DGKH: variants seen among roughly 807,000 people sequenced by gnomAD.
DGKH encodes the protein DAG kinase eta.
In DGKH, 90 loss-of-function variants were observed where a neutral mutation model predicts 159.3. That is an observed-to-expected ratio of 0.57 (90% CI 0.48 to 0.67). The LOEUF (loss-of-function observed/expected upper bound fraction) is 0.67. DGKH is among the 30% of genes least tolerant of loss of function. The pLI, the probability that DGKH is intolerant of heterozygous loss-of-function variation, is 0.00. For missense variants in DGKH, 1,181 were observed against 1,506.1 expected (o/e 0.78, Z 3.57); for synonymous variants, 536 against 553.8 (o/e 0.97, Z 0.45).
At position 42,086,801 on chromosome 13, in the gene DGKH, G is replaced by C. The variant is rs984061263; in HGVS notation, c.192+37836G>C. Among the ~76,000 whole-genome samples the C allele has an allele frequency of 6.6e-5, 10 of 152,280 alleles. No individual in the cohort carries two copies. In the East Asian group the frequency reaches 1.9e-3, roughly 29 times the overall value. ...TCTGATTGTCCCAACTTGCTGCCTA[G>C]AGAGTTTTCAGACCACAGTGCTGGA... On this transcript the variant is annotated intron_variant, in intron 1 of 29. Transcript: ENST00000337343.
At chr13:42,104,926 A>C (rs1954718831) in intron 1 of DGKH, among the ~76,000 whole-genome samples, 1 of 152,208 alleles carries the variant, frequency 6.6e-6, no homozygotes, top group African/African-American at 2.4e-5. Context: ...AATAGACATT[A>C]CAAAAAAAAG....
rs1158525743 is a variant in DGKH, at chr13:42,232,045, A to G, written c.*2857A>G. ...AGGAGGGGGTCTTCAGAGCCTCCTT[A>G]GGCTCTTGTCAGTATCATAAATAAT... On this transcript the variant is annotated 3_prime_UTR_variant, in exon 30 of 30. Coordinates refer to ENST00000337343, the MANE Select transcript of DGKH (RefSeq NM_178009.5). The G allele has an allele frequency of 6.6e-6, 1 of 152,230 alleles. No homozygotes were observed. Among genetic ancestry groups the G allele is most frequent in the African/African-American group, 2.4e-5 (1 of 41,458 alleles). 9.4% of individuals were successfully genotyped at this position (152,230 alleles called of 1,614,324 possible).
intron 3 of DGKH, among the ~76,000 whole-genome samples, chr13:42,151,561 AGTTTCACT>A (rs1955896203): frequency 1.1e-5 from 1 of 92,882 alleles, no homozygotes; most frequent in African/African-American, 4.4e-5. Flanking sequence ...GTATATATGT[AGTTTCACT>A]TATATGTATA....
Position 42,194,946 on chromosome 13 carries a change from T to C in DGKH, c.2097T>C (p.Ser699=), listed in dbSNP as rs1957167476. 6.2e-6 allele frequency: 10 copies of C among 1,614,116 alleles called. No homozygotes were observed. Among genetic ancestry groups the C allele is most frequent in the Non-Finnish European group, 8.5e-6 (10 of 1,179,968 alleles). Residue 699 remains serine, a synonymous_variant, in exon 17 of 30, where the codon TCT becomes TCC. Coordinates refer to ENST00000337343, the MANE Select transcript of DGKH (RefSeq NM_178009.5). ...RASYGHSQTD[S]VPGPAVAASK... Reference sequence around the variant, plus strand: ...GTTATGGCCATTCCCAAACTGATTCTGTCCCTGGTCCAGCTGTGGCAGCCA... The same window carrying C: ...GTTATGGCCATTCCCAAACTGATTCCGTCCCTGGTCCAGCTGTGGCAGCCA...
chr13:42,047,819 G>A (rs1880900828), upstream of DGKH, among the ~76,000 whole-genome samples: 2 of 152,152 alleles, frequency 1.3e-5, no homozygotes, highest in Non-Finnish European at 2.9e-5. Context: ...TTTCTTCCAG[G>A]CAATCTCGGT....
At chr13:42,134,137 C>G (rs1246501487) in intron 3 of DGKH, among the ~76,000 whole-genome samples, 2 of 152,178 alleles carry the variant, frequency 1.3e-5, no homozygotes, top group African/African-American at 4.8e-5. Flanking sequence ...TGCCTGAAAA[C>G]CCAGTGCTGA....
In DGKH at chr13:42,165,849, C is replaced by CA. The variant is rs1477172152; in HGVS notation, c.958+420dup. 1.8e-4 allele frequency among the ~76,000 whole-genome samples: 28 copies of CA among 152,142 alleles called. No homozygotes were observed. The East Asian group carries it at 5.2e-3, about 28-fold the overall frequency. ...TATATTCCTATAAATGCACTTTTCC[C>CA]AAAATCTTACAACTTAACTCTAAAG... On this transcript the variant is annotated intron_variant, in intron 8 of 29. Coordinates refer to ENST00000337343, the MANE Select transcript of DGKH (RefSeq NM_178009.5).
In DGKH at chr13:42,168,795, A is replaced by G. The variant is rs777626301; in HGVS notation, c.1344A>G (p.Arg448=). The change falls in exon 11 of 30, where the codon CGA becomes CGG. Residue 448 remains arginine (R), a synonymous_variant. Transcript: ENST00000337343. ...CTCAGATCCTAGAGAAACTGGAACG[A>G]GCCAGTACCAAAATGTTGGACAGGT... The part of the protein sequence containing the change: ...QLPQILEKLE[R]ASTKMLDRWS... The G allele has an allele frequency of 2.5e-5, 41 of 1,613,810 alleles. No homozygotes were observed. Among genetic ancestry groups the G allele is most frequent in the Middle Eastern group, 1.6e-4 (1 of 6,062 alleles).
chr13:42,226,805 C>T (rs1018415513), intron 29 of DGKH, among the ~76,000 whole-genome samples: 5 of 150,352 alleles, frequency 3.3e-5, no homozygotes, highest in Admixed American at 1.3e-4. Flanking sequence ...TGCAGTGAGC[C>T]GAGATCACGC....
At chr13:42,054,078 A>G (rs184075491) in intron 1 of DGKH, among the ~76,000 whole-genome samples, 14 of 152,376 alleles carry the variant, frequency 9.2e-5, no homozygotes, top group Admixed American at 8.5e-4. Context: ...TGCCTTACAA[A>G]GTACAATTTG....
Position 42,229,236 on chromosome 13 carries a change from A to G in DGKH, c.*48A>G, listed in dbSNP as rs569074737. 1.3e-6 allele frequency: 2 copies of G among 1,547,602 alleles called. No individual in the cohort carries two copies. The highest frequency in any genetic ancestry group is 1.8e-6 in the Non-Finnish European group (2 of 1,133,472). ...AAGAGAAGTTATTGCCACTTAATAC[A>G]AAGTCCTTGGAAGCAAGTGGCTGTT... On this transcript the variant is annotated 3_prime_UTR_variant, in exon 30 of 30. Coordinates refer to ENST00000337343, the MANE Select transcript of DGKH (RefSeq NM_178009.5).
At chr13:42,207,148 TCC>T in intron 21 of DGKH, among the ~76,000 whole-genome samples, 1 of 67,278 alleles carries the variant, frequency 1.5e-5, no homozygotes, top group African/African-American at 6.0e-5. Context: ...CTTCCTTCCT[TCC>T]TTCCTTCCTT....
chr13:42,099,518 A>G (rs1954613772), intron 1 of DGKH, among the ~76,000 whole-genome samples: 1 of 152,084 alleles, frequency 6.6e-6, no homozygotes, highest in South Asian at 2.1e-4. Context: ...AGCAGGGGGT[A>G]TTTGGGCATA....
chr13:42,100,587 G>A lies in DGKH; in HGVS notation c.193-26876G>A, dbSNP rs190787524. On this transcript the variant is annotated intron_variant, in intron 1 of 29. Coordinates refer to ENST00000337343, the MANE Select transcript of DGKH (RefSeq NM_178009.5). ...GTAGCTCATGTTTGGAAAAATGCGT[G>A]GATTTTAAAACAATTTTTTTTATTA... Among the ~76,000 whole-genome samples, 363 of 151,778 alleles carry A rather than the reference G, an allele frequency of 2.4e-3. 1 individual carries two copies. The highest frequency in any genetic ancestry group is 7.4e-3 in the African/African-American group (305 of 41,314).
intron 20 of DGKH, among the ~76,000 whole-genome samples, chr13:42,205,082 A>C (rs1202402982): frequency 2.6e-5 from 4 of 152,190 alleles, no homozygotes; most frequent in Admixed American, 2.6e-4. Flanking sequence ...TTATTTAATG[A>C]AAATATAGCA....
chr13:42,207,226 G>A (rs1010531112), intron 21 of DGKH, among the ~76,000 whole-genome samples: 1 of 141,556 alleles, frequency 7.1e-6, no homozygotes, highest in African/African-American at 2.7e-5. Context: ...ATCTTACTCT[G>A]TCGCTCAGAC....
intron 13 of DGKH, among the ~76,000 whole-genome samples, chr13:42,181,146 G>T (rs940486364): frequency 1.3e-5 from 2 of 151,850 alleles, no homozygotes; most frequent in Non-Finnish European, 2.9e-5. Flanking sequence ...GCGTGATGGT[G>T]GGCGCCTGTA....
At chr13:42,061,532 C>A (rs7321819) in intron 1 of DGKH, among the ~76,000 whole-genome samples, 125,984 of 152,168 alleles carry the variant, frequency 0.83, 52,407 homozygotes, top group East Asian at 1. Context: ...TGAATCTCTC[C>A]TGAATTCATT....
intron 3 of DGKH, among the ~76,000 whole-genome samples, chr13:42,149,335 T>C (rs904721815): frequency 6.6e-6 from 1 of 152,184 alleles, no homozygotes; most frequent in Non-Finnish European, 1.5e-5. Flanking sequence ...ACCCCAGATG[T>C]TGAAAGCATA....
Sources: allele counts gnomAD v4.1 joint callset (sites outside exome capture counted in the v4.1 genomes callset), GRCh38; gene constraint gnomAD v4.1.1; transcripts MANE v1.5; gene names NCBI Gene and HGNC (gene_info 2026-07-23, HGNC 2026-07-21).